The following CEP70 variants were observed in gnomAD, a reference collection of about 807,000 sequenced individuals.
CEP70 encodes centrosomal protein of 70 kDa.
In CEP70, 70 loss-of-function variants were observed where a neutral mutation model predicts 90.9. The observed-to-expected ratio is 0.77, with a 90% CI of 0.64 to 0.94. The LOEUF (loss-of-function observed/expected upper bound fraction) is 0.94, where lower values mean the gene tolerates loss of function less well. Ranked by LOEUF, CEP70 falls within the 40% of genes least tolerant of loss-of-function variation. CEP70 has a pLI of 0.00. For synonymous variants in CEP70, 220 were observed against 228.3 expected (o/e 0.96, Z 0.33); for missense variants, 648 against 669.0 (o/e 0.97, Z 0.35).
intron 11 of CEP70, among the ~76,000 whole-genome samples, chr3:138,523,006 C>T (rs1392040234): frequency 6.6e-6 from 1 of 152,182 alleles, no homozygotes; most frequent in Non-Finnish European, 1.5e-5. Context: ...TCCAGCAGCA[C>T]ATCAAAAAGC....
chr3:138,532,903 C>A (rs1176575276), intron 7 of CEP70, among the ~76,000 whole-genome samples: 1 of 152,198 alleles, frequency 6.6e-6, no homozygotes, highest in African/African-American at 2.4e-5. Context: ...TTGTTCACTG[C>A]ACCATTATTT....
At chr3:138,526,695 A>G (rs964628298) in intron 10 of CEP70, among the ~76,000 whole-genome samples, 5 of 152,200 alleles carry the variant, frequency 3.3e-5, no homozygotes, top group Non-Finnish European at 5.9e-5. Context: ...CTCATCCCAC[A>G]GCACAGGAAT....
intron 6 of CEP70, among the ~76,000 whole-genome samples, chr3:138,560,129 G>A (rs1197654476): frequency 6.6e-6 from 1 of 152,204 alleles, no homozygotes; most frequent in Admixed American, 6.5e-5. Context: ...GATGCAGAAG[G>A]CGGGTGATTT....
chr3:138,523,386 A>G (rs1191462596), intron 11 of CEP70, among the ~76,000 whole-genome samples: 3 of 152,192 alleles, frequency 2.0e-5, no homozygotes, highest in Admixed American at 6.5e-5. Context: ...GCAATCAGGC[A>G]GGAGAAGGAA....
chr3:138,530,166 G>GCTAGTGGTTACCAA (rs753931059), intron 8 of CEP70, among the ~76,000 whole-genome samples: 45 of 152,310 alleles, frequency 3.0e-4, no homozygotes, highest in Non-Finnish European at 5.3e-4. Context: ...GTAACCAATA[G>GCTAGTGGTTACCAA]CTACATGAGC....
intron 7 of CEP70, among the ~76,000 whole-genome samples, chr3:138,536,011 A>C (rs917622246): frequency 6.6e-6 from 1 of 152,154 alleles, no homozygotes; most frequent in Non-Finnish European, 1.5e-5. Flanking sequence ...ATAATTATCA[A>C]AAAATCTATA....
chr3:138,560,030 CTGACAGTT>C (rs1264792450), intron 6 of CEP70, among the ~76,000 whole-genome samples: 1 of 152,148 alleles, frequency 6.6e-6, no homozygotes, highest in Non-Finnish European at 1.5e-5. Context: ...CTGAAAAAGT[CTGACAGTT>C]TCTTAAAAAC....
At chr3:138,502,282 A>C (rs954182544) in intron 13 of CEP70, among the ~76,000 whole-genome samples, 41 of 152,314 alleles carry the variant, frequency 2.7e-4, no homozygotes, top group African/African-American at 8.4e-4. Flanking sequence ...CCACCTTTCA[A>C]GTGATCAATA....
intron 2 of CEP70, among the ~76,000 whole-genome samples, chr3:138,586,056 G>A (rs1381678946): frequency 1.3e-5 from 2 of 152,166 alleles, no homozygotes; most frequent in Non-Finnish European, 2.9e-5. Context: ...AAAAGCTTCT[G>A]CACGGCAAAG....
In CEP70 at chr3:138,570,455, G is replaced by T; in HGVS notation, c.328C>A (p.Gln110Lys). ...ATTTGTTCCAAGTCATTAGCTCGTT[G>T]TTCTTGATTGGCTGCTCGGCTTTGC... Reference protein sequence around the residue: ...LEQSRAANQEQRANDLEQIME... With the variant: ...LEQSRAANQEKRANDLEQIME... The change falls in exon 6 of 18, where the codon CAA becomes AAA. Residue 110 changes from glutamine (Q) to lysine (K), a missense_variant. Physicochemically the swap from Gln to Lys is moderately conservative, Grantham distance 53. Coordinates refer to ENST00000264982, the MANE Select transcript of CEP70 (RefSeq NM_024491.4). 1.2e-6 allele frequency: 2 copies of T among 1,608,520 alleles called. No homozygotes were observed. Among genetic ancestry groups the T allele is most frequent in the Non-Finnish European group, 1.7e-6 (2 of 1,178,292 alleles).
intron 6 of CEP70, among the ~76,000 whole-genome samples, chr3:138,566,258 G>A (rs2040781276): frequency 6.6e-6 from 1 of 152,154 alleles, no homozygotes; most frequent in South Asian, 2.1e-4. Context: ...CATTGTGGAA[G>A]ACAGTGTGGT....
At chr3:138,519,388 A>G (rs1462911501) in intron 11 of CEP70, among the ~76,000 whole-genome samples, 1 of 152,228 alleles carries the variant, frequency 6.6e-6, no homozygotes, top group African/African-American at 2.4e-5. Context: ...TGTCAGATTC[A>G]TCAAAGTTGA....
chr3:138,581,656 T>C (rs1217510050), intron 2 of CEP70, among the ~76,000 whole-genome samples: 1 of 122,688 alleles, frequency 8.2e-6, no homozygotes, highest in Non-Finnish European at 1.6e-5. Context: ...TGACCCGAGA[T>C]CGCACCTGAG....
chr3:138,575,263 C>T (rs531477134), intron 2 of CEP70, among the ~76,000 whole-genome samples: 3 of 152,192 alleles, frequency 2.0e-5, no homozygotes, highest in East Asian at 1.9e-4. Flanking sequence ...CTTAAATGAC[C>T]GGATGGAGCT....
intron 6 of CEP70, among the ~76,000 whole-genome samples, chr3:138,552,470 A>G (rs991978671): frequency 4.6e-5 from 7 of 152,196 alleles, no homozygotes; most frequent in African/African-American, 1.7e-4. Context: ...AATTATATCA[A>G]TTACTCTCTC....
chr3:138,518,232 T>C (rs1336986104), intron 11 of CEP70, among the ~76,000 whole-genome samples: 1 of 152,172 alleles, frequency 6.6e-6, no homozygotes, highest in East Asian at 1.9e-4. Context: ...AGCCTGCCTG[T>C]CTCTGTAGAC....
chr3:138,505,534 G>T, intron 12 of CEP70, 69 bp from the exon 13 acceptor site: 1 of 1,053,830 alleles, frequency 9.5e-7, no homozygotes, highest in Non-Finnish European at 1.3e-6. Context: ...TATTTTAAAG[G>T]AGTGCTTTAT....
chr3:138,535,462 A>AG (rs1360003602), intron 7 of CEP70, among the ~76,000 whole-genome samples: 1 of 152,234 alleles, frequency 6.6e-6, no homozygotes, highest in Non-Finnish European at 1.5e-5. Flanking sequence ...CTAGACTACC[A>AG]GGTCACTGAA....
chr3:138,512,448 C>G (rs2108740938), intron 11 of CEP70, among the ~76,000 whole-genome samples: 1 of 152,244 alleles, frequency 6.6e-6, no homozygotes, highest in African/African-American at 2.4e-5. Context: ...ATTTACATGA[C>G]TTAATTGGCA....
Sources: gnomAD v4.1 joint callset for allele counts (sites outside exome capture counted in the v4.1 genomes callset) on GRCh38, gnomAD v4.1.1 for gene constraint, MANE v1.5 for transcripts, NCBI Gene and HGNC (gene_info 2026-07-23, HGNC 2026-07-21) for gene names.